The following ARID2 variants were observed in gnomAD, a reference collection of about 807,000 sequenced individuals.
The protein encoded by ARID2 is AT-rich interactive domain-containing protein 2.
A neutral mutation model predicts 184.6 loss-of-function variants in ARID2; 32 were observed. The observed-to-expected ratio is 0.17, with a 90% confidence interval of 0.13 to 0.23. The LOEUF is 0.23. Ranked by LOEUF, ARID2 falls within the 10% of genes least tolerant of loss-of-function variation. The pLI is 1.00. For synonymous variants in ARID2, 836 were observed against 772.6 expected, an observed-to-expected ratio of 1.08 and a Z score of -1.36; for missense variants, 1,696 against 2,197.6, an observed-to-expected ratio of 0.77 and a Z score of 4.56.
In ARID2 at chr12:45,905,240, G is replaced by T; in HGVS notation, c.*162G>T. ...AAGCTTCGTATTCTGATCTCTGAGT[G>T]AATCCCTTTGTTCTCTGTTTAAAAA... On this transcript the variant is annotated 3_prime_UTR_variant, in exon 21 of 21. Transcript: ENST00000334344. The T allele has an allele frequency of 1.7e-6, 1 of 583,778 alleles. No individual in the cohort carries two copies. Among genetic ancestry groups the T allele is most frequent in the Non-Finnish European group, 2.7e-6 (1 of 375,684 alleles). 36.2% of individuals were successfully genotyped at this position (583,778 alleles called of 1,614,324 possible).
At chr12:45,785,212 A>G (rs2138044519) in intron 3 of ARID2, among the ~76,000 whole-genome samples, 1 of 152,316 alleles carries the variant, frequency 6.6e-6, no homozygotes, top group Middle Eastern at 3.4e-3. Flanking sequence ...CTAAAGTTAA[A>G]CAAGTTTGAA....
chr12:45,867,588 A>G (rs1943850876), intron 16 of ARID2, among the ~76,000 whole-genome samples: 1 of 151,464 alleles, frequency 6.6e-6, no homozygotes, highest in African/African-American at 2.4e-5. Flanking sequence ...TAAAAATACA[A>G]AAAAATTAGC....
Position 45,846,891 on chromosome 12 carries a change from C to G in ARID2, c.1534C>G (p.Pro512Ala), listed in dbSNP as rs1287100037. The change falls in exon 12 of 21, where the codon CCT becomes GCT. Residue 512 changes from proline to alanine, a missense_variant. Around this residue, in one of 11 missense-constraint regions of ARID2, gnomAD observed 713 missense variants for 824.4 expected, o/e 0.86. Transcript: ENST00000334344. ...AGTTGTAGCGCAGCATGTTGCTCCA[C>G]CTCCAGGAATAGTGGAAATAGATAG... Reference protein sequence around the residue: ...RAVVAQHVAPPPGIVEIDSEK... With the variant: ...RAVVAQHVAPAPGIVEIDSEK... 6.2e-7 allele frequency: 1 copy of G among 1,613,008 alleles called. No individual in the cohort carries two copies. Among genetic ancestry groups the G allele is most frequent in the South Asian group, 1.1e-5 (1 of 91,020 alleles).
At chr12:45,825,741 G>A (rs945758885) in intron 6 of ARID2, among the ~76,000 whole-genome samples, 5 of 152,064 alleles carry the variant, frequency 3.3e-5, no homozygotes, top group Admixed American at 2.0e-4. Flanking sequence ...GTGCATGATT[G>A]TAGTTCCAGC....
intron 6 of ARID2, among the ~76,000 whole-genome samples, chr12:45,822,749 T>C (rs1942922165): frequency 6.6e-6 from 1 of 152,028 alleles, no homozygotes; most frequent in Non-Finnish European, 1.5e-5. Flanking sequence ...AATTATATAA[T>C]GAAACAAGGG....
chr12:45,898,888 T>C (rs577256265), intron 20 of ARID2, among the ~76,000 whole-genome samples: 1 of 152,210 alleles, frequency 6.6e-6, no homozygotes, highest in East Asian at 1.9e-4. Context: ...TACTCCAGCC[T>C]GTGTGACAGA....
chr12:45,899,899 G>T (rs574286120), intron 20 of ARID2, among the ~76,000 whole-genome samples: 17 of 150,890 alleles, frequency 1.1e-4, no homozygotes, highest in African/African-American at 3.6e-4. Flanking sequence ...TACATTTATT[G>T]ACTTCCCTTT....
rs778778139 is a variant in ARID2, at chr12:45,852,055, A to G, written c.3932A>G (p.Lys1311Arg). 7 of 1,614,146 alleles carry G rather than the reference A, an allele frequency of 4.3e-6. No individual in the cohort carries two copies. The highest frequency in any genetic ancestry group is 1.7e-5 in the Admixed American group (1 of 60,018). Residue 1311 changes from lysine (K) to arginine (R), a missense_variant, in exon 15 of 21, where the codon AAA becomes AGA. Lys to Arg is a conservative substitution (Grantham distance 26). Transcript: ENST00000334344. ...DSSLPPSNSG[K>R]IQSETNQCSL... ...AGTCTACCTCCTTCAAACTCAGGGA[A>G]AATTCAAAGTGAGACTAATCAGTGC...
At chr12:45,808,353 G>T (rs1441494557) in intron 3 of ARID2, among the ~76,000 whole-genome samples, 1 of 152,124 alleles carries the variant, frequency 6.6e-6, no homozygotes, top group Non-Finnish European at 1.5e-5. Flanking sequence ...TTGCATCTCA[G>T]TTGGAAATAT....
chr12:45,903,058 T>C (rs992390063), intron 20 of ARID2, among the ~76,000 whole-genome samples: 1 of 152,174 alleles, frequency 6.6e-6, no homozygotes, highest in Admixed American at 6.5e-5. Context: ...CTTTACTCCA[T>C]CCTCCTCTCT....
At chr12:45,878,971 T>A (rs1944054723) in intron 16 of ARID2, among the ~76,000 whole-genome samples, 1 of 152,218 alleles carries the variant, frequency 6.6e-6, no homozygotes, top group Non-Finnish European at 1.5e-5. Context: ...TCCTTTTTTT[T>A]CTTCCTTTGT....
chr12:45,836,253 A>G (rs1406965545), intron 6 of ARID2, among the ~76,000 whole-genome samples: 1 of 152,228 alleles, frequency 6.6e-6, no homozygotes, highest in Non-Finnish European at 1.5e-5. Context: ...TCTTCCGCCC[A>G]GGCTGGAGTG....
intron 15 of ARID2, among the ~76,000 whole-genome samples, chr12:45,853,224 G>A (rs1166674130): frequency 6.6e-6 from 1 of 152,090 alleles, no homozygotes; most frequent in African/African-American, 2.4e-5. Flanking sequence ...CACAAGTGTT[G>A]GGGGGAATGG....
intron 3 of ARID2, among the ~76,000 whole-genome samples, chr12:45,803,539 C>T (rs954558630): frequency 6.6e-6 from 1 of 152,112 alleles, no homozygotes; most frequent in African/African-American, 2.4e-5. Flanking sequence ...CAAAGCATCA[C>T]GTAACAAAAA....
At chr12:45,904,788 C>T (rs1944502401) in intron 20 of ARID2, 146 bp from the exon 21 acceptor site, 2 of 730,390 alleles carry the variant, frequency 2.7e-6, no homozygotes. Context: ...AGATGCTTCC[C>T]TCTCTTCCTG....
intron 3 of ARID2, among the ~76,000 whole-genome samples, chr12:45,793,928 T>G (rs1942340624): frequency 6.6e-6 from 1 of 152,196 alleles, no homozygotes; most frequent in Non-Finnish European, 1.5e-5. Flanking sequence ...CCTTTAATAA[T>G]TGTTTTTGTC....
intron 16 of ARID2, among the ~76,000 whole-genome samples, chr12:45,873,168 T>C (rs1943951932): frequency 6.6e-6 from 1 of 152,256 alleles, no homozygotes; most frequent in Admixed American, 6.5e-5. Context: ...CTCTGAAGTC[T>C]GCTTTGTCTG....
At chr12:45,899,851 TA>T (rs1944434152) in intron 20 of ARID2, among the ~76,000 whole-genome samples, 2 of 150,874 alleles carry the variant, frequency 1.3e-5, no homozygotes, top group Non-Finnish European at 3.0e-5. Flanking sequence ...TATTTCAAAA[TA>T]TGTCTATGTT....
intron 3 of ARID2, among the ~76,000 whole-genome samples, chr12:45,740,768 AG>A (rs1290676145): frequency 1.3e-5 from 2 of 152,186 alleles, no homozygotes; most frequent in African/African-American, 4.8e-5. Context: ...TCATATCTGT[AG>A]TTCTTCAGCC....
Sources: allele counts gnomAD v4.1 joint callset (sites outside exome capture counted in the v4.1 genomes callset), GRCh38; gene constraint gnomAD v4.1.1; regional missense constraint gnomAD v4.1.1; transcripts MANE v1.5; gene names NCBI Gene and HGNC (gene_info 2026-07-23, HGNC 2026-07-21).